IGSF9B: variants seen among roughly 807,000 people sequenced by gnomAD.
The protein encoded by IGSF9B is immunoglobulin superfamily member 9B.
IGSF9B carries 48 observed loss-of-function variants against 143.7 expected under a neutral mutation model. The ratio of observed to expected loss-of-function variants is 0.33; its 90% confidence interval spans 0.26 to 0.42. The LOEUF is 0.42. Among genes scored for constraint, IGSF9B ranks in the 20% least tolerant of loss-of-function variants. The pLI is 1.00. For missense variants in IGSF9B, 1,706 were observed against 1,980.0 expected (o/e 0.86, Z 2.63); for synonymous variants, 903 against 833.1 (o/e 1.08, Z -1.44).
rs1939198861 is a variant in IGSF9B, at chr11:133,905,572, G to A, written c.*3497C>T. On this transcript the variant is annotated 3_prime_UTR_variant, in exon 20 of 20. Coordinates refer to ENST00000533871, the MANE Select transcript of IGSF9B (RefSeq NM_001277285.4). The surrounding 1 kb of genome is among the most constrained non-coding windows in gnomAD (Gnocchi z 4.0). Reference sequence around the variant, plus strand: ...ATGGAAAAATAACAAGAAATACTCGGCTCAATCCACCCGGCTTCAGTCTTC... The same window carrying A: ...ATGGAAAAATAACAAGAAATACTCGACTCAATCCACCCGGCTTCAGTCTTC... Among the ~76,000 whole-genome samples the A allele has an allele frequency of 6.6e-6, 1 of 152,182 alleles. No individual in the cohort carries two copies. The highest frequency in any genetic ancestry group is 2.4e-5 in the African/African-American group (1 of 41,434).
Position 133,936,788 on chromosome 11 carries a change from G to A in IGSF9B, c.679+588C>T, listed in dbSNP as rs572891725. 5.9e-5 allele frequency among the ~76,000 whole-genome samples: 9 copies of A among 152,328 alleles called. No homozygotes were observed. In the South Asian group the frequency reaches 1.7e-3, roughly 28 times the overall value. Reference sequence around the variant, plus strand: ...AACCCCCGAGTTCCTCCAGGAGGCAGGGCTGGGGAGGCTAAGCCGGGGGCC... The same window carrying A: ...AACCCCCGAGTTCCTCCAGGAGGCAAGGCTGGGGAGGCTAAGCCGGGGGCC... On this transcript the variant is annotated intron_variant, in intron 5 of 19. Transcript: ENST00000533871.
In IGSF9B at chr11:133,931,769, A is replaced by G. The variant is rs1591717793; in HGVS notation, c.1137T>C (p.Asp379=). 1.9e-6 allele frequency: 3 copies of G among 1,612,178 alleles called. No individual in the cohort carries two copies. Among genetic ancestry groups the G allele is most frequent in the Non-Finnish European group, 2.5e-6 (3 of 1,179,446 alleles). Residue 379 remains aspartate, a synonymous_variant, in exon 9 of 20, where the codon GAT becomes GAC. Coordinates refer to ENST00000533871, the MANE Select transcript of IGSF9B (RefSeq NM_001277285.4). The surrounding 1 kb of genome is among the most constrained non-coding windows in gnomAD (Gnocchi z 7.7). ...TGGCCTCCTCAATTCGAATGGAGCC[A>G]TCCTCCATCAGGGTCCAACCGAGGT... The part of the protein sequence containing the change: ...EKNLGWTLME[D]GSIRIEEATE...
intron 13 of IGSF9B, 53 bp downstream of exon 13, chr11:133,926,863 G>A (rs936492320): frequency 5.4e-5 from 79 of 1,470,016 alleles, no homozygotes; most frequent in Non-Finnish European, 5.3e-5. Context: ...CTGGGCCACC[G>A]CCCCCACCAC....
rs1002234968 is a variant in IGSF9B, at chr11:133,945,590, A to C, written c.262+471T>G. Among the ~76,000 whole-genome samples, 3 of 152,164 alleles carry C rather than the reference A, an allele frequency of 2.0e-5. No individual in the cohort carries two copies. The highest frequency in any genetic ancestry group is 7.2e-5 in the African/African-American group (3 of 41,458). On this transcript the variant is annotated intron_variant, in intron 2 of 19. Transcript: ENST00000533871. The surrounding 1 kb of genome is among the most constrained non-coding windows in gnomAD (Gnocchi z 4.6). ...ACAGGACACAGACGGGGCCAGGAGAAGGAGAGGACAGCATGACAAGGAGGC... is the reference window on the plus strand; with the variant it reads ...ACAGGACACAGACGGGGCCAGGAGACGGAGAGGACAGCATGACAAGGAGGC...
At position 133,906,815 on chromosome 11, in the gene IGSF9B, T is replaced by G. The variant is rs1006617448; in HGVS notation, c.*2254A>C. ...CCTGGCTGAGCCCCGTGAGCTCCTC[T>G]GGGGTAGAAATCTCACACTGCCAGT... is the stretch of plus-strand genomic sequence containing the variant. On this transcript the variant is annotated 3_prime_UTR_variant, in exon 20 of 20. Coordinates refer to ENST00000533871, the MANE Select transcript of IGSF9B (RefSeq NM_001277285.4). Among the ~76,000 whole-genome samples the G allele has an allele frequency of 5.9e-5, 9 of 152,084 alleles. No homozygotes were observed. The highest frequency in any genetic ancestry group is 2.0e-4 in the Admixed American group (3 of 15,278).
chr11:133,933,182 A>G (rs960140639), intron 7 of IGSF9B, among the ~76,000 whole-genome samples: 1 of 152,156 alleles, frequency 6.6e-6, no homozygotes, highest in African/African-American at 2.4e-5. Context: ...TGCTTCTACC[A>G]TGGACCTCAC....
In IGSF9B at chr11:133,907,310, G is replaced by C. The variant is rs1405221590; in HGVS notation, c.*1759C>G. ...AAGATGGAAACGCCAAGAAGAGACA[G>C]CAGCCATCCAAGGCCTCATCCTGCG... On this transcript the variant is annotated 3_prime_UTR_variant, in exon 20 of 20. Transcript: ENST00000533871. Among the ~76,000 whole-genome samples the C allele has an allele frequency of 2.6e-5, 4 of 152,340 alleles. No homozygotes were observed. The East Asian group carries it at 5.8e-4, about 22-fold the overall frequency.
At chr11:133,943,880 G>T in intron 3 of IGSF9B, among the ~76,000 whole-genome samples, 1 of 152,200 alleles carries the variant, frequency 6.6e-6, no homozygotes, top group East Asian at 1.9e-4. Context: ...CCCAAGGCTG[G>T]GAAATAATCC....
chr11:133,922,824 G>A, intron 15 of IGSF9B, 94 bp from the exon 16 acceptor site: 1 of 1,233,244 alleles, frequency 8.1e-7, no homozygotes, highest in Non-Finnish European at 1.1e-6. Context: ...CCCTGCCTTT[G>A]TAGAACAGAC....
Position 133,919,884 on chromosome 11 carries a change from C to A in IGSF9B, c.3841G>T (p.Gly1281Cys), listed in dbSNP as rs776084206. Residue 1281 changes from glycine (G) to cysteine (C), a missense_variant, in exon 18 of 20, where the codon GGC becomes TGC. By Grantham distance (159) the Gly-to-Cys change is radical. Around this residue, in one of 7 missense-constraint regions of IGSF9B, gnomAD observed 880 missense variants for 762.9 expected, o/e 1.15. Coordinates refer to ENST00000533871, the MANE Select transcript of IGSF9B (RefSeq NM_001277285.4). ...PAMGFTTLAT[G>C]YPSPPPGPAP... ...GGGCCGGGTGGAGGGGAAGGGTAGC[C>A]GGTGGCCAGAGTGGTGAAGCCCATG... 9 of 1,584,676 alleles carry A rather than the reference C, an allele frequency of 5.7e-6. No individual in the cohort carries two copies. The highest frequency in any genetic ancestry group is 7.7e-6 in the Non-Finnish European group (9 of 1,164,506).
intron 1 of IGSF9B, among the ~76,000 whole-genome samples, chr11:133,952,480 G>A (rs1457253725): frequency 1.3e-5 from 2 of 152,170 alleles, no homozygotes; most frequent in Non-Finnish European, 2.9e-5. Flanking sequence ...ACGGAGAGGA[G>A]TGGCCCCCAC....
In IGSF9B at chr11:133,921,088, G is replaced by A. The variant is rs77730320; in HGVS notation, c.2637C>T (p.Phe879=). 5.7e-3 allele frequency: 9,138 copies of A among 1,613,888 alleles called. 212 individuals carry two copies. In the African/African-American group the frequency reaches 0.068, roughly 12 times the overall value. ...LKSRRIEGFP[F]AEETDMYPEF... is the part of the protein sequence containing the mutation. ...CGGGGTACATGTCCGTCTCCTCGGCGAAGGGGAAGCCCTCGATGCGCCTGC... is the reference window on the plus strand; with the variant it reads ...CGGGGTACATGTCCGTCTCCTCGGCAAAGGGGAAGCCCTCGATGCGCCTGC... The change falls in exon 18 of 20, where the codon TTC becomes TTT. Residue 879 remains phenylalanine (F), a synonymous_variant. Coordinates refer to ENST00000533871, the MANE Select transcript of IGSF9B (RefSeq NM_001277285.4).
Position 133,919,799 on chromosome 11 carries a change from C to A in IGSF9B, c.3926G>T (p.Arg1309Met). ...CGGTCGGAGCAATTCCTCCCCCGTC[C>A]TTCGAGGGGAAGGCGTCTGTCCAAA... ...DVFGQTPSPR[R>M]TGEELLRPET... The change falls in exon 18 of 20, where the codon AGG (arginine) becomes ATG (methionine). Residue 1309 changes from arginine (R) to methionine (M), a missense_variant. This residue lies in a region of IGSF9B where 880 missense variants were observed against 762.9 expected (regional missense o/e 1.15). Transcript: ENST00000533871. The A allele has an allele frequency of 6.6e-7, 1 of 1,508,422 alleles. No homozygotes were observed. 93.4% of individuals were successfully genotyped at this position (1,508,422 alleles called of 1,614,324 possible).
chr11:133,932,542 C>G (rs1392026766), intron 7 of IGSF9B, among the ~76,000 whole-genome samples: 1 of 120,512 alleles, frequency 8.3e-6, no homozygotes, highest in Non-Finnish European at 1.7e-5. Flanking sequence ...GACAGACAGA[C>G]AGACACAGGG....
At position 133,935,603 on chromosome 11, in the gene IGSF9B, G is replaced by A. The variant is rs1266645710; in HGVS notation, c.967+14C>T. On this transcript the variant is annotated intron_variant, in intron 7 of 19. Transcript: ENST00000533871. Reference sequence around the variant, plus strand: ...GGAGCCCCACCACCCAGGCTCCCCTGCACCCCTACTCACACTGCACGGTCA... The same window carrying A: ...GGAGCCCCACCACCCAGGCTCCCCTACACCCCTACTCACACTGCACGGTCA... 6.2e-7 allele frequency: 1 copy of A among 1,605,560 alleles called. No homozygotes were observed. Among genetic ancestry groups the A allele is most frequent in the Non-Finnish European group, 8.5e-7 (1 of 1,176,656 alleles).
Position 133,909,300 on chromosome 11 carries a change from G to T in IGSF9B, c.4106-23C>A, listed in dbSNP as rs149536981. 2.6e-6 allele frequency: 4 copies of T among 1,517,070 alleles called. No homozygotes were observed. The highest frequency in any genetic ancestry group is 3.5e-6 in the Non-Finnish European group (4 of 1,129,984). The allele number at this position is 1,517,070 out of a possible 1,614,324, so 94.0% of individuals were successfully genotyped here. On this transcript the variant is annotated intron_variant, in intron 19 of 19. Transcript: ENST00000533871. The surrounding 1 kb of genome is among the most constrained non-coding windows in gnomAD (Gnocchi z 4.2). Reference sequence around the variant, plus strand: ...CGTCTAGGAAGAAAGGAAGAGGGACGCAAAAGAGAAGCAAGCGGATGAAAA... The same window carrying T: ...CGTCTAGGAAGAAAGGAAGAGGGACTCAAAAGAGAAGCAAGCGGATGAAAA...
In IGSF9B at chr11:133,920,918, C is replaced by G; in HGVS notation, c.2807G>C (p.Gly936Ala). ...PAYSPRFQPR[G>A]LEGPGGLEGR... Reference sequence around the variant, plus strand: ...TTCCAGGCCACCGGGGCCCTCCAGCCCGCGGGGCTGGAACCGAGGGCTGTA... The same window carrying G: ...TTCCAGGCCACCGGGGCCCTCCAGCGCGCGGGGCTGGAACCGAGGGCTGTA... Residue 936 changes from glycine to alanine, a missense_variant, in exon 18 of 20, where the codon GGG (glycine) becomes GCG (alanine). Around this residue, in one of 7 missense-constraint regions of IGSF9B, gnomAD observed 880 missense variants for 762.9 expected, o/e 1.15. Coordinates refer to ENST00000533871, the MANE Select transcript of IGSF9B (RefSeq NM_001277285.4). 1 of 1,609,580 alleles carries G rather than the reference C, an allele frequency of 6.2e-7. No homozygotes were observed. The highest frequency in any genetic ancestry group is 8.5e-7 in the Non-Finnish European group (1 of 1,178,410).
In IGSF9B at chr11:133,928,192, A is replaced by G. The variant is rs897640811; in HGVS notation, c.1632-1101T>C. Among the ~76,000 whole-genome samples, 5 of 152,000 alleles carry G rather than the reference A, an allele frequency of 3.3e-5. No individual in the cohort carries two copies. Among genetic ancestry groups the G allele is most frequent in the Non-Finnish European group, 5.9e-5 (4 of 67,978 alleles). The stretch of plus-strand genomic sequence containing the variant: ...ACCTCCCACCCAGGCATCTCCAAAG[A>G]CAGCTTGACCACACCAAATGTCCCA... On this transcript the variant is annotated intron_variant, in intron 12 of 19. Coordinates refer to ENST00000533871, the MANE Select transcript of IGSF9B (RefSeq NM_001277285.4). This position sits in a 1 kb window ranked among gnomAD's most constrained non-coding sequence, Gnocchi z 4.7.
At chr11:133,947,798 G>C (rs150621057) in intron 1 of IGSF9B, among the ~76,000 whole-genome samples, 2 of 151,146 alleles carry the variant, frequency 1.3e-5, no homozygotes, top group East Asian at 1.9e-4. Context: ...CTGTCTGTCT[G>C]TCTCTCTCTA....
Sources: gnomAD v4.1 joint callset for allele counts (sites outside exome capture counted in the v4.1 genomes callset) on GRCh38, gnomAD v4.1.1 for gene constraint, gnomAD v4.1.1 regional missense constraint, Gnocchi (gnomAD v3.1) non-coding constraint, MANE v1.5 for transcripts, NCBI Gene and HGNC (gene_info 2026-07-23, HGNC 2026-07-21) for gene names.